The following CMTM7 variants were observed in gnomAD, a reference collection of about 807,000 sequenced individuals.
CMTM7 encodes CKLF like MARVEL transmembrane domain containing 7.
CMTM7 carries 7 observed loss-of-function variants against 19.3 expected under a neutral mutation model. The ratio of observed to expected loss-of-function variants is 0.36; its 90% CI spans 0.21 to 0.68. The LOEUF is 0.68. Ranked by LOEUF, CMTM7 falls within the 30% of genes least tolerant of loss-of-function variation. CMTM7 has a pLI of 0.60. For missense variants in CMTM7, 193 were observed against 232.6 expected, an observed-to-expected ratio of 0.83 and a Z score of 1.11; for synonymous variants, 87 against 99.3, an observed-to-expected ratio of 0.88 and a Z score of 0.74.
intron 1 of CMTM7, among the ~76,000 whole-genome samples, chr3:32,404,831 A>G (rs1696066421): frequency 6.6e-6 from 1 of 152,270 alleles, no homozygotes; most frequent in Non-Finnish European, 1.5e-5. Context: ...GGGATGTTAC[A>G]GAAGCAGTTA....
At position 32,442,149 on chromosome 3, in the gene CMTM7, C is replaced by T. The variant is rs536157549; in HGVS notation, c.333+136C>T. On this transcript the variant is annotated intron_variant, in intron 2 of 4. Transcript: ENST00000334983. The stretch of plus-strand genomic sequence containing the variant: ...TCTTTGCTGCCTCTGCCCTGAATTT[C>T]CTATTGTTTGGTGGACATCTCTGCT... 2.4e-4 allele frequency: 187 copies of T among 787,656 alleles called. 2 individuals carry two copies. The South Asian group carries it at 3.1e-3, about 13-fold the overall frequency. The allele number at this position is 787,656 out of a possible 1,614,324, so 48.8% of individuals were successfully genotyped here. A position where few individuals can be genotyped will look rare whatever the true frequency, so the allele number is the denominator to read the frequency against.
At chr3:32,392,104 G>A (rs971991069) in intron 1 of CMTM7, 39 bp downstream of exon 1, 1 of 1,226,766 alleles carries the variant, frequency 8.2e-7, no homozygotes, top group Non-Finnish European at 1.0e-6. Flanking sequence ...GTTCTACAGG[G>A]CGTCCCGGGA....
At position 32,449,527 on chromosome 3, in the gene CMTM7, A is replaced by G. The variant is rs1319377137; in HGVS notation, c.407A>G (p.Asn136Ser). The part of the protein sequence containing the change: ...ASIVAASKSY[N>S]QSGLVAGAIF... ...ATTGTGGCAGCTTCCAAGAGTTACA[A>G]CCAGAGCGGACTGGTAGCCGGAGCG... Residue 136 changes from asparagine (N) to serine (S), a missense_variant, in exon 3 of 5, where the codon AAC becomes AGC. Asn to Ser is a conservative substitution (Grantham distance 46). Transcript: ENST00000334983. This position sits in a 1 kb window ranked among gnomAD's most constrained non-coding sequence, Gnocchi z 4.5. 1.9e-6 allele frequency: 3 copies of G among 1,613,936 alleles called. No homozygotes were observed. Among genetic ancestry groups the G allele is most frequent in the African/African-American group, 1.3e-5 (1 of 74,934 alleles).
intron 1 of CMTM7, among the ~76,000 whole-genome samples, chr3:32,439,699 C>T (rs1056894228): frequency 2.0e-5 from 3 of 152,210 alleles, no homozygotes; most frequent in South Asian, 2.1e-4. Context: ...GTGATCCACC[C>T]GCCTTGGCCT....
Position 32,454,839 on chromosome 3 carries a change from G to GCAC in CMTM7, c.*585_*586insCAC. ...TTTTAATAAAATATTGACTCGGCCA[G>GCAC]TTGCACAAGGATTTCTTATTGAACC... On this transcript the variant is annotated 3_prime_UTR_variant, in exon 5 of 5. Transcript: ENST00000334983. 4.9e-6 allele frequency: 1 copy of GCAC among 205,560 alleles called. No individual in the cohort carries two copies. The highest frequency in any genetic ancestry group is 1.0e-5 in the Non-Finnish European group (1 of 98,254). 12.7% of individuals were successfully genotyped at this position (205,560 alleles called of 1,614,324 possible). A position where few individuals can be genotyped will look rare whatever the true frequency, so the allele number is the denominator to read the frequency against.
At chr3:32,405,908 T>C (rs968913511) in intron 1 of CMTM7, among the ~76,000 whole-genome samples, 8 of 152,266 alleles carry the variant, frequency 5.3e-5, no homozygotes, top group African/African-American at 1.9e-4. Flanking sequence ...ATTGTTAAGT[T>C]GTATTTACTT....
intron 1 of CMTM7, among the ~76,000 whole-genome samples, chr3:32,414,412 T>C (rs1696228070): frequency 6.6e-6 from 1 of 152,196 alleles, no homozygotes; most frequent in Non-Finnish European, 1.5e-5. Flanking sequence ...TTTTATTGCC[T>C]CATTACTTTA....
chr3:32,402,428 T>A (rs1283882932), intron 1 of CMTM7, among the ~76,000 whole-genome samples: 3 of 151,536 alleles, frequency 2.0e-5, no homozygotes, highest in Non-Finnish European at 4.4e-5. Flanking sequence ...CTTTAGATAG[T>A]TAGAAAGACC....
chr3:32,430,703 G>GTGTGTGTGTGTGTGTT (rs937810270), intron 1 of CMTM7, among the ~76,000 whole-genome samples: 1 of 150,862 alleles, frequency 6.6e-6, no homozygotes, highest in Non-Finnish European at 1.5e-5. Context: ...GTGTGTGTGT[G>GTGTGTGTGTGTGTGTT]TGTGTGTGTG....
At chr3:32,409,349 G>A (rs982020946) in intron 1 of CMTM7, among the ~76,000 whole-genome samples, 3 of 152,266 alleles carry the variant, frequency 2.0e-5, no homozygotes, top group Non-Finnish European at 4.4e-5. Flanking sequence ...GGAACCATTT[G>A]AGAGTGAGTT....
chr3:32,424,658 G>T (rs1203102274), intron 1 of CMTM7, among the ~76,000 whole-genome samples: 3 of 149,352 alleles, frequency 2.0e-5, no homozygotes, highest in African/African-American at 4.9e-5. Flanking sequence ...TTTTGCGGCT[G>T]GGGGGATACA....
At chr3:32,403,746 T>C (rs764714739) in intron 1 of CMTM7, among the ~76,000 whole-genome samples, 12 of 152,216 alleles carry the variant, frequency 7.9e-5, no homozygotes, top group Non-Finnish European at 1.6e-4. Context: ...CATTAAACAC[T>C]GAAAATGATG....
chr3:32,423,850 G>C lies in CMTM7; in HGVS notation c.160-17990G>C, dbSNP rs577363919. Among the ~76,000 whole-genome samples, 5 of 152,272 alleles carry C rather than the reference G, an allele frequency of 3.3e-5. No homozygotes were observed. The East Asian group carries it at 9.6e-4, about 29-fold the overall frequency. On this transcript the variant is annotated intron_variant, in intron 1 of 4. Transcript: ENST00000334983. The stretch of plus-strand genomic sequence containing the variant: ...CCCCCAGGTGCAGGTCACAGATGGT[G>C]TCTCTTTCACCTGTGCCCGTCACTG...
intron 1 of CMTM7, among the ~76,000 whole-genome samples, chr3:32,403,587 C>A (rs1229162889): frequency 1.3e-5 from 2 of 152,076 alleles, no homozygotes; most frequent in Admixed American, 6.6e-5. Flanking sequence ...TATCATTATC[C>A]CCAACTCATC....
chr3:32,406,245 T>G (rs958721277), intron 1 of CMTM7, among the ~76,000 whole-genome samples: 1 of 152,188 alleles, frequency 6.6e-6, no homozygotes, highest in Non-Finnish European at 1.5e-5. Flanking sequence ...ATTTAACTAG[T>G]CCCCTACTGA....
At chr3:32,392,172 G>A (rs1695845766) in intron 1 of CMTM7, 107 bp downstream of exon 1, 2 of 871,266 alleles carry the variant, frequency 2.3e-6, no homozygotes, top group Admixed American at 4.4e-5. Flanking sequence ...AGCCCAGGGA[G>A]CATCGCGCAG....
intron 1 of CMTM7, among the ~76,000 whole-genome samples, chr3:32,414,774 T>C (rs1696233268): frequency 6.6e-6 from 1 of 152,188 alleles, no homozygotes; most frequent in Non-Finnish European, 1.5e-5. Flanking sequence ...TTAGCTCTTG[T>C]GGGCAGAGCA....
chr3:32,448,090 A>C (rs1231286508), intron 2 of CMTM7, among the ~76,000 whole-genome samples: 1 of 152,186 alleles, frequency 6.6e-6, no homozygotes, highest in Non-Finnish European at 1.5e-5. Flanking sequence ...GACAAGCACA[A>C]GAGTGGGCTG....
At chr3:32,420,281 G>A (rs1039819710) in intron 1 of CMTM7, among the ~76,000 whole-genome samples, 1 of 152,224 alleles carries the variant, frequency 6.6e-6, no homozygotes, top group Non-Finnish European at 1.5e-5. Context: ...GCTTCATGGG[G>A]ACTGAAAGGC....
Sources: allele counts gnomAD v4.1 joint callset (sites outside exome capture counted in the v4.1 genomes callset), GRCh38; gene constraint gnomAD v4.1.1; non-coding constraint Gnocchi (gnomAD v3.1); transcripts MANE v1.5; gene names NCBI Gene and HGNC (gene_info 2026-07-23, HGNC 2026-07-21).